Variants in SYNPR observed in about 807,000 individuals in gnomAD.
SYNPR encodes synaptoporin.
In SYNPR, 23 loss-of-function variants were observed where a neutral mutation model predicts 32.9. The ratio of observed to expected loss-of-function variants is 0.70; its 90% CI spans 0.50 to 0.99. The LOEUF (loss-of-function observed/expected upper bound fraction) is 0.99. SYNPR is among the 50% of genes least tolerant of loss of function. The pLI is 0.00. For synonymous variants in SYNPR, 146 were observed against 135.9 expected (o/e 1.07, Z -0.52); for missense variants, 318 against 349.3 (o/e 0.91, Z 0.71).
At chr3:63,389,761 G>A (rs2088107430) in intron 2 of SYNPR, among the ~76,000 whole-genome samples, 1 of 152,196 alleles carries the variant, frequency 6.6e-6, no homozygotes, top group Admixed American at 6.5e-5. Context: ...TCAGACCAAG[G>A]TGAAAATTCT....
At chr3:63,573,192 A>G (rs1478700760) in intron 4 of SYNPR, among the ~76,000 whole-genome samples, 2 of 152,202 alleles carry the variant, frequency 1.3e-5, no homozygotes, top group Non-Finnish European at 2.9e-5. Context: ...AGAATTTCAG[A>G]GAATTACCAG....
chr3:63,594,282 T>A (rs1013597869), intron 4 of SYNPR, among the ~76,000 whole-genome samples: 1 of 152,124 alleles, frequency 6.6e-6, no homozygotes, highest in African/African-American at 2.4e-5. Context: ...GCTTAGTAAC[T>A]CTGAGATGTC....
At chr3:63,409,220 A>G (rs1400781657) in intron 2 of SYNPR, among the ~76,000 whole-genome samples, 1 of 152,014 alleles carries the variant, frequency 6.6e-6, no homozygotes, top group Admixed American at 6.6e-5. Flanking sequence ...TGGCTTTCAA[A>G]GCTTTTGTTT....
chr3:63,360,533 T>A (rs534512722), intron 2 of SYNPR, among the ~76,000 whole-genome samples: 19 of 152,356 alleles, frequency 1.2e-4, no homozygotes, highest in African/African-American at 4.3e-4. Flanking sequence ...AAACCCAGTG[T>A]CTTGATCTTG....
At chr3:63,362,556 G>A (rs994193859) in intron 2 of SYNPR, among the ~76,000 whole-genome samples, 1 of 152,138 alleles carries the variant, frequency 6.6e-6, no homozygotes, top group Non-Finnish European at 1.5e-5. Context: ...AGAAAAGTGA[G>A]CAAGTAAAGT....
intron 3 of SYNPR, among the ~76,000 whole-genome samples, chr3:63,539,031 G>C (rs937533667): frequency 2.0e-5 from 3 of 152,072 alleles, no homozygotes; most frequent in African/African-American, 7.2e-5. Context: ...CTAGATTCCT[G>C]ATTTGCTCTC....
intron 4 of SYNPR, among the ~76,000 whole-genome samples, chr3:63,578,797 G>T (rs1369974449): frequency 6.6e-6 from 1 of 152,130 alleles, no homozygotes; most frequent in African/African-American, 2.4e-5. Flanking sequence ...TGACTTGCCT[G>T]CATGGCAGAA....
intron 2 of SYNPR, among the ~76,000 whole-genome samples, chr3:63,450,825 C>A (rs1395174109): frequency 2.0e-5 from 3 of 152,104 alleles, no homozygotes; most frequent in African/African-American, 7.2e-5. Flanking sequence ...TGTTTGTGGG[C>A]CCATATCCTT....
chr3:63,502,771 T>G (rs902411554), intron 3 of SYNPR, among the ~76,000 whole-genome samples: 7 of 152,148 alleles, frequency 4.6e-5, no homozygotes, highest in Admixed American at 4.6e-4. Context: ...TGGATGTAGC[T>G]CCTTTCTTTT....
chr3:63,257,930 T>C (rs2086401513), intron 2 of SYNPR, among the ~76,000 whole-genome samples: 1 of 152,008 alleles, frequency 6.6e-6, no homozygotes, highest in Non-Finnish European at 1.5e-5. Context: ...TAATCTCTGA[T>C]AAAAAACATA....
chr3:63,256,390 G>T (rs1327676353), intron 2 of SYNPR, among the ~76,000 whole-genome samples: 1 of 152,192 alleles, frequency 6.6e-6, no homozygotes, highest in Non-Finnish European at 1.5e-5. Context: ...GAAGGATCAG[G>T]CAGCAACATT....
In SYNPR at chr3:63,556,866, T is replaced by G; in HGVS notation, c.408+125T>G. 4.2e-6 allele frequency: 4 copies of G among 957,812 alleles called. No individual in the cohort carries two copies. The Admixed American group carries it at 9.0e-5, about 22-fold the overall frequency. The allele number at this position is 957,812 out of a possible 1,614,324, so 59.3% of individuals were successfully genotyped here. On this transcript the variant is annotated intron_variant, in intron 4 of 5. Transcript: ENST00000478300. ...GTTTGAAAGGAAATCACATTCTTTT[T>G]TATCCAAATCTCTCGAAGCCACAAC...
At chr3:63,387,215 A>G (rs2088057669) in intron 2 of SYNPR, among the ~76,000 whole-genome samples, 1 of 152,218 alleles carries the variant, frequency 6.6e-6, no homozygotes, top group Admixed American at 6.5e-5. Context: ...TACAATTTTC[A>G]CCATATCCAT....
intron 4 of SYNPR, among the ~76,000 whole-genome samples, chr3:63,580,784 A>G (rs929818578): frequency 1.3e-5 from 2 of 152,190 alleles, no homozygotes; most frequent in African/African-American, 4.8e-5. Flanking sequence ...CTGGCAAATT[A>G]GTCTCATTAT....
At chr3:63,230,269 C>G (rs1472057366) in intron 1 of SYNPR, among the ~76,000 whole-genome samples, 1 of 152,136 alleles carries the variant, frequency 6.6e-6, no homozygotes, top group Non-Finnish European at 1.5e-5. Context: ...TGTCTAGGTC[C>G]TGGTCCTTTT....
At chr3:63,393,426 T>G (rs1448327767) in intron 2 of SYNPR, among the ~76,000 whole-genome samples, 1 of 152,026 alleles carries the variant, frequency 6.6e-6, no homozygotes, top group African/African-American at 2.4e-5. Flanking sequence ...AATGACTATT[T>G]CATTTTCCTT....
At chr3:63,361,134 T>C (rs1258278884) in intron 2 of SYNPR, among the ~76,000 whole-genome samples, 2 of 152,196 alleles carry the variant, frequency 1.3e-5, no homozygotes. Context: ...ATTCAGAATC[T>C]TGAAAATCTC....
chr3:63,579,789 AC>A (rs1703057004), intron 4 of SYNPR, among the ~76,000 whole-genome samples: 1 of 982 alleles, frequency 1.0e-3, no homozygotes, highest in Admixed American at 0.011. Context: ...TTTAACTAAA[AC>A]ACACACACAC....
At chr3:63,468,576 C>T (rs1275764030) in intron 2 of SYNPR, among the ~76,000 whole-genome samples, 1 of 152,082 alleles carries the variant, frequency 6.6e-6, no homozygotes, top group Non-Finnish European at 1.5e-5. Flanking sequence ...GAGGCCGAGG[C>T]AGGCGTTTGA....
Sources: allele counts gnomAD v4.1 joint callset (sites outside exome capture counted in the v4.1 genomes callset), GRCh38; gene constraint gnomAD v4.1.1; transcripts MANE v1.5; gene names NCBI Gene and HGNC (gene_info 2026-07-23, HGNC 2026-07-21).